The following ZBTB43 variants were observed in gnomAD, a reference collection of about 807,000 sequenced individuals.
ZBTB43 encodes the protein zinc finger and BTB domain containing 43.
A neutral mutation model predicts 31.1 loss-of-function variants in ZBTB43; 6 were observed. The observed-to-expected ratio is 0.19, with a 90% CI of 0.11 to 0.38. The LOEUF is 0.38. Ranked by LOEUF, ZBTB43 falls within the 10% of genes least tolerant of loss-of-function variation. The pLI, the probability that ZBTB43 is intolerant of heterozygous loss-of-function variation, is 1.00. For synonymous variants in ZBTB43, 212 were observed against 221.7 expected (o/e 0.96, Z 0.39); for missense variants, 379 against 602.1 (o/e 0.63, Z 3.88).
intron 2 of ZBTB43, among the ~76,000 whole-genome samples, chr9:126,829,588 G>T (rs1043937878): frequency 7.9e-5 from 12 of 152,238 alleles, no homozygotes; most frequent in African/African-American, 2.2e-4. Flanking sequence ...TTTAAAGGAT[G>T]TATATGATTT....
intron 2 of ZBTB43, among the ~76,000 whole-genome samples, chr9:126,811,331 AG>A (rs1177719165): frequency 6.6e-6 from 1 of 151,904 alleles, no homozygotes; most frequent in Non-Finnish European, 1.5e-5. Flanking sequence ...ACTGCTTACC[AG>A]TTATATGACC....
chr9:126,828,948 G>A (rs2032710494), intron 2 of ZBTB43, among the ~76,000 whole-genome samples: 1 of 152,116 alleles, frequency 6.6e-6, no homozygotes, highest in Non-Finnish European at 1.5e-5. Context: ...ACTAAGTACA[G>A]AGTGCCAGCC....
At chr9:126,824,695 A>G (rs1269965408) in intron 2 of ZBTB43, among the ~76,000 whole-genome samples, 1 of 152,178 alleles carries the variant, frequency 6.6e-6, no homozygotes, top group Non-Finnish European at 1.5e-5. Context: ...TCTCTCTTGC[A>G]GCTTTCAAGA....
chr9:126,830,547 C>T (rs2119164825), intron 2 of ZBTB43, among the ~76,000 whole-genome samples: 1 of 152,292 alleles, frequency 6.6e-6, no homozygotes, highest in South Asian at 2.1e-4. Flanking sequence ...ACTCAGGAGG[C>T]TGAGATGGGA....
At chr9:126,830,232 A>G (rs1255561761) in intron 2 of ZBTB43, among the ~76,000 whole-genome samples, 1 of 152,258 alleles carries the variant, frequency 6.6e-6, no homozygotes, top group Non-Finnish European at 1.5e-5. Context: ...AAAAGGTATC[A>G]GTCCCTAACA....
At chr9:126,829,200 C>A (rs1382739749) in intron 2 of ZBTB43, among the ~76,000 whole-genome samples, 1 of 152,114 alleles carries the variant, frequency 6.6e-6, no homozygotes, top group Non-Finnish European at 1.5e-5. Context: ...CCTATAGACC[C>A]AGCTGCTTGA....
At chr9:126,812,096 A>C (rs2032264262) in intron 2 of ZBTB43, among the ~76,000 whole-genome samples, 1 of 152,084 alleles carries the variant, frequency 6.6e-6, no homozygotes, top group African/African-American at 2.4e-5. Flanking sequence ...TTCTACCTGT[A>C]GCCACGAATC....
Position 126,808,796 on chromosome 9 carries a change from T to C in ZBTB43, c.-143T>C, listed in dbSNP as rs1049637803. 4.6e-5 allele frequency: 7 copies of C among 152,172 alleles called. No homozygotes were observed. The highest frequency in any genetic ancestry group is 1.7e-4 in the African/African-American group (7 of 41,444). 9.4% of individuals were successfully genotyped at this position (152,172 alleles called of 1,614,324 possible). ...TCACTGTTACTCTTCCTTCCAGAAG[T>C]CAATGTGATTTTAATTTGAAGCAAA... is the stretch of plus-strand genomic sequence containing the variant. On this transcript the variant is annotated 5_prime_UTR_variant, in exon 2 of 3. Transcript: ENST00000373464.
At chr9:126,825,531 G>C (rs1374406245) in intron 2 of ZBTB43, among the ~76,000 whole-genome samples, 1 of 152,128 alleles carries the variant, frequency 6.6e-6, no homozygotes, top group Non-Finnish European at 1.5e-5. Flanking sequence ...TCCTCAGCTT[G>C]CAGACAGCCT....
In ZBTB43 at chr9:126,815,658, C is replaced by CT. The variant is rs200516560; in HGVS notation, c.-24+6756dup. On this transcript the variant is annotated intron_variant, in intron 2 of 2. Transcript: ENST00000373464. ...TTTATTTGGGTCTCTCTCTCTCTCTCTTTTTTTTTTTTTCAATAGTTTCCC... is the reference window on the plus strand; with the variant it reads ...TTTATTTGGGTCTCTCTCTCTCTCTCTTTTTTTTTTTTTTCAATAGTTTCCC... Among the ~76,000 whole-genome samples the CT allele has an allele frequency of 3.4e-3, 419 of 122,728 alleles. 3 individuals are homozygous for CT. The highest frequency in any genetic ancestry group is 9.4e-3 in the African/African-American group (323 of 34,326). 80.5% of individuals were successfully genotyped at this position (122,728 alleles called of 152,430 possible).
rs2032921350 is a variant in ZBTB43 at position 126,838,085 on chromosome 9, T to A, written c.*4172T>A. The A allele has an allele frequency of 6.0e-6, 1 of 167,020 alleles. No homozygotes were observed. Among genetic ancestry groups the A allele is most frequent in the Admixed American group, 6.5e-5 (1 of 15,296 alleles). 10.3% of individuals were successfully genotyped at this position (167,020 alleles called of 1,614,324 possible). A position where few individuals can be genotyped will look rare whatever the true frequency, so the allele number is the denominator to read the frequency against. ...GAATAGTTTTGTCTTTATATATTGC[T>A]GTCTTCAGTGTACAGCATGGTTTTA... is the stretch of plus-strand genomic sequence containing the variant. On this transcript the variant is annotated 3_prime_UTR_variant, in exon 3 of 3. Transcript: ENST00000373464.
Position 126,833,920 on chromosome 9 carries a change from G to A in ZBTB43, c.*7G>A, listed in dbSNP as rs568826274. 3 of 1,566,154 alleles carry A rather than the reference G, an allele frequency of 1.9e-6. No homozygotes were observed. Among genetic ancestry groups the A allele is most frequent in the Non-Finnish European group, 2.6e-6 (3 of 1,147,738 alleles). On this transcript the variant is annotated 3_prime_UTR_variant, in exon 3 of 3. Coordinates refer to ENST00000373464, the MANE Select transcript of ZBTB43 (RefSeq NM_014007.4). This position sits in a 1 kb window ranked among gnomAD's most constrained non-coding sequence, Gnocchi z 7.9. Reference sequence around the variant, plus strand: ...TACAACTGAGGCTAACTAAAAATAGGATCTGGCCCTTGAGTGGCATGCACA... The same window carrying A: ...TACAACTGAGGCTAACTAAAAATAGAATCTGGCCCTTGAGTGGCATGCACA...
rs2032912641 is a variant in ZBTB43, at chr9:126,837,736, T to C, written c.*3823T>C. 1 of 167,136 alleles carries C rather than the reference T, an allele frequency of 6.0e-6. No homozygotes were observed. Among genetic ancestry groups the C allele is most frequent in the Admixed American group, 6.5e-5 (1 of 15,288 alleles). 10.4% of individuals were successfully genotyped at this position (167,136 alleles called of 1,614,324 possible). A position where few individuals can be genotyped will look rare whatever the true frequency, so the allele number is the denominator to read the frequency against. On this transcript the variant is annotated 3_prime_UTR_variant, in exon 3 of 3. Coordinates refer to ENST00000373464, the MANE Select transcript of ZBTB43 (RefSeq NM_014007.4). Reference sequence around the variant, plus strand: ...TGAAACCAGGGTTTGTTTGGGGTTTTTTTCTTTGCTACTTACATATTTAAA... The same window carrying C: ...TGAAACCAGGGTTTGTTTGGGGTTTCTTTCTTTGCTACTTACATATTTAAA...
chr9:126,824,285 A>G (rs1390953225), intron 2 of ZBTB43, among the ~76,000 whole-genome samples: 4 of 152,224 alleles, frequency 2.6e-5, no homozygotes, highest in Non-Finnish European at 5.9e-5. Flanking sequence ...TTGGCCTTCC[A>G]AAGTGCTGGG....
At chr9:126,811,371 C>A (rs971076227) in intron 2 of ZBTB43, among the ~76,000 whole-genome samples, 4 of 152,066 alleles carry the variant, frequency 2.6e-5, no homozygotes, top group African/African-American at 9.7e-5. Flanking sequence ...TTGTCTATCT[C>A]CAATTCTGTA....
chr9:126,821,565 G>C (rs1203261462), intron 2 of ZBTB43, among the ~76,000 whole-genome samples: 1 of 152,208 alleles, frequency 6.6e-6, no homozygotes, highest in East Asian at 1.9e-4. Flanking sequence ...TGGAGATGTA[G>C]TGGAAATAAA....
intron 2 of ZBTB43, among the ~76,000 whole-genome samples, chr9:126,823,866 AAAGTT>A (rs1240389306): frequency 6.6e-6 from 1 of 152,228 alleles, no homozygotes; most frequent in Non-Finnish European, 1.5e-5. Context: ...CAGTCACAGC[AAAGTT>A]ATCTCCTGTC....
At chr9:126,809,644 C>T (rs1340080640) in intron 2 of ZBTB43, among the ~76,000 whole-genome samples, 2 of 152,028 alleles carry the variant, frequency 1.3e-5, no homozygotes, top group African/African-American at 4.8e-5. Context: ...TTAAACTCAT[C>T]AAAGTTGGAA....
intron 2 of ZBTB43, among the ~76,000 whole-genome samples, chr9:126,825,797 G>A (rs868257627): frequency 8.6e-5 from 13 of 150,940 alleles, no homozygotes; most frequent in African/African-American, 2.7e-4. Flanking sequence ...GTAATGCATC[G>A]TTGCACTTTT....
Sources: allele counts gnomAD v4.1 joint callset (sites outside exome capture counted in the v4.1 genomes callset), GRCh38; gene constraint gnomAD v4.1.1; non-coding constraint Gnocchi (gnomAD v3.1); transcripts MANE v1.5; gene names NCBI Gene and HGNC (gene_info 2026-07-23, HGNC 2026-07-21).